Variants in DLGAP5 observed in about 807,000 individuals in gnomAD.
The protein encoded by DLGAP5 is DLG associated protein 5.
A neutral mutation model predicts 99.6 loss-of-function variants in DLGAP5; 90 were observed. The observed-to-expected ratio is 0.90, with a 90% CI of 0.76 to 1.08. The LOEUF is 1.08. Ranked by LOEUF, DLGAP5 falls within the 50% of genes least tolerant of loss-of-function variation. DLGAP5 has a pLI of 0.00. For missense variants in DLGAP5, 1,036 were observed against 983.5 expected (o/e 1.05, Z -0.71); for synonymous variants, 311 against 321.3 (o/e 0.97, Z 0.34).
chr14:55,171,224 T>C (rs753160683), intron 10 of DLGAP5, among the ~76,000 whole-genome samples: 6 of 152,150 alleles, frequency 3.9e-5, no homozygotes, highest in East Asian at 1.9e-4. Context: ...TCCTAATTAT[T>C]AGGCTTTGCT....
chr14:55,152,885 C>A (rs1436740965), intron 15 of DLGAP5, among the ~76,000 whole-genome samples: 1 of 152,166 alleles, frequency 6.6e-6, no homozygotes, highest in East Asian at 1.9e-4. Flanking sequence ...CCATGGTGGT[C>A]AGTCAGGGTC....
Position 55,189,056 on chromosome 14 carries a change from T to A in DLGAP5, c.124A>T (p.Asn42Tyr). 1 of 1,613,994 alleles carries A rather than the reference T, an allele frequency of 6.2e-7. No homozygotes were observed. The highest frequency in any genetic ancestry group is 8.5e-7 in the Non-Finnish European group (1 of 1,179,970). Residue 42 changes from asparagine to tyrosine, a missense_variant, in exon 2 of 19, where the codon AAT (asparagine) becomes TAT (tyrosine). Physicochemically the swap from Asn to Tyr is moderately radical, Grantham distance 143 (BLOSUM62 -2). Coordinates refer to ENST00000247191, the MANE Select transcript of DLGAP5 (RefSeq NM_014750.5). ...ACATCTTTCAAACCAAAGTGTCTATTTCGTTCGTATTCCTTATGTCTATTT... is the reference window on the plus strand; with the variant it reads ...ACATCTTTCAAACCAAAGTGTCTATATCGTTCGTATTCCTTATGTCTATTT... The part of the protein sequence containing the change: ...KENRHKEYER[N>Y]RHFGLKDVNI...
chr14:55,179,833 A>G (rs976070216), intron 6 of DLGAP5, 134 bp from the exon 7 acceptor site: 3 of 672,130 alleles, frequency 4.5e-6, no homozygotes, highest in Non-Finnish European at 7.2e-6. Context: ...GCCATATTAT[A>G]AAAAGGGTTA....
chr14:55,186,567 T>C (rs1317648258), intron 2 of DLGAP5, among the ~76,000 whole-genome samples: 1 of 149,100 alleles, frequency 6.7e-6, no homozygotes, highest in Non-Finnish European at 1.5e-5. Context: ...AGTTTTCCTA[T>C]TGAATGTCTT....
chr14:55,178,251 C>CA (rs200771141), intron 7 of DLGAP5, among the ~76,000 whole-genome samples: 3,076 of 145,712 alleles, frequency 0.021, 80 homozygotes, highest in African/African-American at 0.073. Flanking sequence ...GACTCTGTCT[C>CA]AAAAAAAAAA....
chr14:55,174,929 T>G (rs2140322237), intron 10 of DLGAP5, among the ~76,000 whole-genome samples: 1 of 152,316 alleles, frequency 6.6e-6, no homozygotes, highest in South Asian at 2.1e-4. Context: ...GACCTTGTGA[T>G]CCACCCACCT....
intron 2 of DLGAP5, among the ~76,000 whole-genome samples, chr14:55,186,367 A>G (rs1883436741): frequency 6.6e-6 from 1 of 152,226 alleles, no homozygotes; most frequent in South Asian, 2.1e-4. Flanking sequence ...CTTGTTATCT[A>G]TTACAGGGTC....
At chr14:55,189,312 T>C (rs1883532913) in intron 1 of DLGAP5, 132 bp from the exon 2 acceptor site, 2 of 707,216 alleles carry the variant, frequency 2.8e-6, no homozygotes, top group African/African-American at 1.8e-5. Flanking sequence ...GAAATAAATA[T>C]GTAACACTGA....
chr14:55,165,189 AAG>A (rs1882595717), intron 12 of DLGAP5, among the ~76,000 whole-genome samples: 1 of 152,148 alleles, frequency 6.6e-6, no homozygotes, highest in East Asian at 1.9e-4. Flanking sequence ...AGCTCACAAA[AAG>A]ATACTTAATA....
chr14:55,182,433 C>T lies in DLGAP5; in HGVS notation c.433-1G>A. 2 of 1,608,878 alleles carry T rather than the reference C, an allele frequency of 1.2e-6. No homozygotes were observed. Among genetic ancestry groups the T allele is most frequent in the Non-Finnish European group, 1.7e-6 (2 of 1,178,286 alleles). ...TAATCCGTACAGAAGATGGAATAGC[C>T]TTAGAACAGTCAAAAGAAGATGAAC... On this transcript the variant is annotated splice_acceptor_variant, in intron 3 of 18. Coordinates refer to ENST00000247191, the MANE Select transcript of DLGAP5 (RefSeq NM_014750.5). LOFTEE classifies it high-confidence loss of function.
At chr14:55,169,918 T>C (rs151239268) in intron 11 of DLGAP5, among the ~76,000 whole-genome samples, 1,571 of 152,256 alleles carry the variant, frequency 0.01, 28 homozygotes, top group African/African-American at 0.036. Context: ...GCGGCTCACC[T>C]GAGGTCAGGA....
intron 12 of DLGAP5, among the ~76,000 whole-genome samples, chr14:55,167,553 TGA>T (rs1882688080): frequency 6.6e-6 from 1 of 152,238 alleles, no homozygotes; most frequent in Non-Finnish European, 1.5e-5. Context: ...TTGGTTTGGT[TGA>T]GACAGGGTCT....
intron 12 of DLGAP5, among the ~76,000 whole-genome samples, chr14:55,165,902 A>G (rs1882625881): frequency 6.6e-6 from 1 of 152,360 alleles, no homozygotes; most frequent in South Asian, 2.1e-4. Flanking sequence ...TAAAAAAGAC[A>G]ATAAGTATTA....
chr14:55,166,223 A>C (rs1882636525), intron 12 of DLGAP5, among the ~76,000 whole-genome samples: 1 of 152,256 alleles, frequency 6.6e-6, no homozygotes. Flanking sequence ...TGTGAAGTAC[A>C]CAAGGCAAGC....
rs1444855097 is a variant in DLGAP5, at chr14:55,177,286, A to G, written c.825T>C (p.Thr275=). The G allele has an allele frequency of 6.2e-7, 1 of 1,610,106 alleles. No homozygotes were observed. Among genetic ancestry groups the G allele is most frequent in the Admixed American group, 1.7e-5 (1 of 58,930 alleles). Residue 275 remains threonine (T), a synonymous_variant, in exon 8 of 19, where the codon ACT becomes ACC. Coordinates refer to ENST00000247191, the MANE Select transcript of DLGAP5 (RefSeq NM_014750.5). ...DSEENTLNSQ[T]NATSGMNPDG... is the part of the protein sequence containing the mutation. ...CTGGATTCATTCCACTTGTTGCATT[A>G]GTTTGTGAATTCAAAGTATTTTCTT...
At chr14:55,188,738 T>A (rs963075434) in intron 2 of DLGAP5, among the ~76,000 whole-genome samples, 1 of 132,816 alleles carries the variant, frequency 7.5e-6, no homozygotes, top group Non-Finnish European at 1.5e-5. Flanking sequence ...ACCACTGCAC[T>A]CCCGCCTGGG....
chr14:55,155,408 A>G (rs975532691), intron 14 of DLGAP5, among the ~76,000 whole-genome samples: 6 of 146,440 alleles, frequency 4.1e-5, no homozygotes, highest in Non-Finnish European at 9.0e-5. Context: ...GTGTAATGGC[A>G]TGATCTTGGC....
chr14:55,174,680 T>A (rs755212041), intron 10 of DLGAP5, among the ~76,000 whole-genome samples: 1 of 150,754 alleles, frequency 6.6e-6, no homozygotes, highest in African/African-American at 2.4e-5. Context: ...TTCCCCGATA[T>A]ATATATGTAT....
chr14:55,150,906 G>C, intron 17 of DLGAP5, 58 bp from the exon 18 acceptor site: 2 of 1,169,076 alleles, frequency 1.7e-6, no homozygotes, highest in Non-Finnish European at 2.4e-6. Flanking sequence ...AGGGCTGTTA[G>C]AAATGGACAA....
Sources: gnomAD v4.1 joint callset for allele counts (sites outside exome capture counted in the v4.1 genomes callset) on GRCh38, gnomAD v4.1.1 for gene constraint, MANE v1.5 for transcripts, NCBI Gene and HGNC (gene_info 2026-07-23, HGNC 2026-07-21) for gene names.